Variants in TAFA1 observed in about 807,000 individuals in gnomAD.
The protein encoded by TAFA1 is chemokine-like protein TAFA-1.
Under a neutral mutation model 18.5 loss-of-function variants are expected in TAFA1, and 4 were observed. The observed-to-expected ratio is 0.22, with a 90% CI of 0.11 to 0.49. TAFA1 has a LOEUF of 0.49. TAFA1 is among the 20% of genes least tolerant of loss of function. TAFA1 has a pLI of 0.98. For missense variants in TAFA1, 147 were observed against 169.0 expected (o/e 0.87, Z 0.72); for synonymous variants, 56 against 55.2 (o/e 1.01, Z -0.06).
chr3:68,129,637 T>A (rs1027224087), intron 2 of TAFA1, among the ~76,000 whole-genome samples: 3 of 152,222 alleles, frequency 2.0e-5, no homozygotes, highest in Non-Finnish European at 4.4e-5. Flanking sequence ...TAATTATACG[T>A]TACATATTAT....
intron 2 of TAFA1, among the ~76,000 whole-genome samples, chr3:68,239,419 T>C (rs1284557670): frequency 6.6e-6 from 1 of 152,174 alleles, no homozygotes; most frequent in African/African-American, 2.4e-5. Flanking sequence ...CACTTTATGG[T>C]AAAACAGATA....
chr3:68,412,002 G>A (rs1288135590), intron 2 of TAFA1, among the ~76,000 whole-genome samples: 1 of 152,072 alleles, frequency 6.6e-6, no homozygotes. Flanking sequence ...CTGCACCAGT[G>A]TACCTGAGCA....
intron 2 of TAFA1, among the ~76,000 whole-genome samples, chr3:68,131,326 C>T (rs1289527566): frequency 6.6e-6 from 1 of 152,096 alleles, no homozygotes; most frequent in African/African-American, 2.4e-5. Context: ...CACGCACACG[C>T]ACGCACACAC....
chr3:68,530,737 C>T (rs1377142004), intron 3 of TAFA1, among the ~76,000 whole-genome samples: 1 of 151,942 alleles, frequency 6.6e-6, no homozygotes, highest in East Asian at 1.9e-4. Context: ...AATGCTGTAA[C>T]TAGTGAAATC....
intron 3 of TAFA1, among the ~76,000 whole-genome samples, chr3:68,419,816 T>A (rs1212260333): frequency 3.9e-5 from 6 of 152,264 alleles, no homozygotes; most frequent in African/African-American, 1.4e-4. Context: ...AGAGGAAGTA[T>A]TTTAAGAAAA....
intron 2 of TAFA1, among the ~76,000 whole-genome samples, chr3:68,258,089 G>T (rs909537881): frequency 1.3e-5 from 2 of 152,138 alleles, no homozygotes; most frequent in Admixed American, 6.5e-5. Flanking sequence ...AACAGAAAAG[G>T]ACTAAAGTGA....
intron 2 of TAFA1, among the ~76,000 whole-genome samples, chr3:68,253,304 G>T (rs911350425): frequency 6.6e-6 from 1 of 152,124 alleles, no homozygotes; most frequent in African/African-American, 2.4e-5. Context: ...AAATGAACAT[G>T]CTTTTTACAA....
rs2073443193 is a variant in TAFA1 at position 68,545,424 on chromosome 3, T to A, written c.*921T>A. On this transcript the variant is annotated 3_prime_UTR_variant, in exon 5 of 5. Coordinates refer to ENST00000478136, the MANE Select transcript of TAFA1 (RefSeq NM_213609.4). Reference sequence around the variant, plus strand: ...ATGTCCTCTGATTAAATCCAAAGTCTGGCATCGTTAACTACATAGTGCTGT... The same window carrying A: ...ATGTCCTCTGATTAAATCCAAAGTCAGGCATCGTTAACTACATAGTGCTGT... 6.6e-6 allele frequency: 1 copy of A among 152,624 alleles called. No homozygotes were observed. The highest frequency in any genetic ancestry group is 2.4e-5 in the African/African-American group (1 of 41,460). 9.5% of individuals were successfully genotyped at this position (152,624 alleles called of 1,614,324 possible).
rs1316689139 is a variant in TAFA1 at position 68,067,674 on chromosome 3, A to C, written c.118+60930A>C. On this transcript the variant is annotated intron_variant, in intron 2 of 4. Coordinates refer to ENST00000478136, the MANE Select transcript of TAFA1 (RefSeq NM_213609.4). ...TTTTAACTGTAAATTGCTAAGCATT[A>C]TGACCATCCGGTAGCCAACTTTTCT... is the stretch of plus-strand genomic sequence containing the variant. Among the ~76,000 whole-genome samples, 4 of 152,306 alleles carry C rather than the reference A, an allele frequency of 2.6e-5. No homozygotes were observed. The East Asian group carries it at 7.7e-4, about 29-fold the overall frequency.
intron 2 of TAFA1, among the ~76,000 whole-genome samples, chr3:68,100,651 C>T (rs912454356): frequency 6.6e-6 from 1 of 152,058 alleles, no homozygotes; most frequent in Non-Finnish European, 1.5e-5. Context: ...ATCTATTGAC[C>T]CAATATAAAT....
intron 2 of TAFA1, among the ~76,000 whole-genome samples, chr3:68,350,547 A>C (rs2069248234): frequency 6.6e-6 from 1 of 152,132 alleles, no homozygotes; most frequent in South Asian, 2.1e-4. Flanking sequence ...ATTTTTAAAA[A>C]GTCCCAAGGT....
intron 2 of TAFA1, among the ~76,000 whole-genome samples, chr3:68,276,001 AGTACCT>A (rs1255873548): frequency 6.6e-6 from 1 of 152,130 alleles, no homozygotes; most frequent in Non-Finnish European, 1.5e-5. Context: ...GGCCCTGTCT[AGTACCT>A]GTTAGACTCT....
intron 2 of TAFA1, among the ~76,000 whole-genome samples, chr3:68,194,852 C>G (rs2066392055): frequency 6.6e-6 from 1 of 151,690 alleles, no homozygotes; most frequent in Non-Finnish European, 1.5e-5. Flanking sequence ...AAGTGTATAA[C>G]ATAGAGACCG....
chr3:68,390,854 G>T (rs1048702787), intron 2 of TAFA1, among the ~76,000 whole-genome samples: 2 of 152,054 alleles, frequency 1.3e-5, no homozygotes, highest in African/African-American at 4.8e-5. Flanking sequence ...GCATCTGAAG[G>T]TCACCAAAAT....
At chr3:68,467,465 T>G (rs1413758870) in intron 3 of TAFA1, among the ~76,000 whole-genome samples, 1 of 152,168 alleles carries the variant, frequency 6.6e-6, no homozygotes, top group Admixed American at 6.5e-5. Flanking sequence ...AAAGAAGAAA[T>G]TATTCAATGA....
intron 2 of TAFA1, among the ~76,000 whole-genome samples, chr3:68,075,721 A>G (rs1037515977): frequency 6.8e-6 from 1 of 147,500 alleles, no homozygotes; most frequent in Non-Finnish European, 1.5e-5. Context: ...TTTTTGGACA[A>G]GGTTTTGCTC....
intron 2 of TAFA1, among the ~76,000 whole-genome samples, chr3:68,165,736 G>T (rs559143999): frequency 9.2e-5 from 14 of 152,278 alleles, no homozygotes; most frequent in African/African-American, 3.1e-4. Flanking sequence ...ATACAGTGAT[G>T]AACTAAACAG....
Position 68,271,540 on chromosome 3 carries a change from A to G in TAFA1, c.119-145740A>G, listed in dbSNP as rs548376093. On this transcript the variant is annotated intron_variant, in intron 2 of 4. Transcript: ENST00000478136. ...GTGGGAAAAACAGCGATTTCTAAGA[A>G]CCCAAAGGGAGTAAAATGACACGTT... 2.0e-5 allele frequency among the ~76,000 whole-genome samples: 3 copies of G among 152,228 alleles called. No individual in the cohort carries two copies. In the South Asian group the frequency reaches 6.2e-4, roughly 32 times the overall value.
At chr3:68,408,828 GC>G (rs1414072792) in intron 2 of TAFA1, among the ~76,000 whole-genome samples, 1 of 152,162 alleles carries the variant, frequency 6.6e-6, no homozygotes, top group Non-Finnish European at 1.5e-5. Context: ...AGTTCAGCTT[GC>G]TAAGAGAACA....
Sources: allele counts gnomAD v4.1 joint callset (sites outside exome capture counted in the v4.1 genomes callset), GRCh38; gene constraint gnomAD v4.1.1; transcripts MANE v1.5; gene names NCBI Gene and HGNC (gene_info 2026-07-23, HGNC 2026-07-21).